PPA2: variants seen among roughly 807,000 people sequenced by gnomAD.
PPA2 encodes the protein inorganic pyrophosphatase 2, also known as inorganic pyrophosphatase 2, mitochondrial.
A neutral mutation model predicts 49.5 loss-of-function variants in PPA2; 48 were observed. The ratio of observed to expected loss-of-function variants is 0.97; its 90% CI spans 0.77 to 1.23. The LOEUF is 1.23. Ranked by LOEUF, PPA2 falls within the 50% of genes most tolerant of loss-of-function variation. PPA2 has a pLI of 0.00. For synonymous variants in PPA2, 131 were observed against 139.9 expected (o/e 0.94, Z 0.45); for missense variants, 429 against 410.1 (o/e 1.05, Z -0.40).
At chr4:105,453,702 C>T in intron 2 of PPA2, 60 bp from the exon 3 acceptor site, 4 of 1,260,828 alleles carry the variant, frequency 3.2e-6, no homozygotes, top group Non-Finnish European at 4.5e-6. Flanking sequence ...AGTGGCACTG[C>T]ATAGCAATAA....
At chr4:105,449,534 T>A (rs993705922) in intron 3 of PPA2, 131 bp from the exon 4 acceptor site, 1 of 518,918 alleles carries the variant, frequency 1.9e-6, no homozygotes, top group Admixed American at 3.8e-5. Context: ...ATCATACATC[T>A]ACCTATGCCT....
chr4:105,396,365 G>T (rs543562397), intron 8 of PPA2, 31 bp from the exon 9 acceptor site: 3 of 1,428,244 alleles, frequency 2.1e-6, no homozygotes, highest in Admixed American at 2.1e-5. Flanking sequence ...AAAAAAAGAC[G>T]TATTTAATAT....
chr4:105,434,026 C>T (rs554333849), intron 6 of PPA2, among the ~76,000 whole-genome samples: 1 of 152,194 alleles, frequency 6.6e-6, no homozygotes, highest in East Asian at 1.9e-4. Flanking sequence ...CTCAGTCTTA[C>T]CATGTTGCCC....
In PPA2 at chr4:105,416,913, AAGTG is replaced by A. The variant is rs1723039916; in HGVS notation, c.655+7279_655+7282del. Reference sequence around the variant, plus strand: ...AAAATAATGGAATTAACACATGTCAAAGTGAGTATTACCAAACAAGGTAATTCTA... The same window carrying A: ...AAAATAATGGAATTAACACATGTCAAAGTATTACCAAACAAGGTAATTCTA... On this transcript the variant is annotated intron_variant, in intron 7 of 11. Transcript: ENST00000341695. 2.0e-5 allele frequency among the ~76,000 whole-genome samples: 3 copies of A among 152,346 alleles called. No homozygotes were observed. The South Asian group carries it at 6.2e-4, about 32-fold the overall frequency.
At chr4:105,382,601 A>G (rs1475157246) in intron 10 of PPA2, among the ~76,000 whole-genome samples, 1 of 152,200 alleles carries the variant, frequency 6.6e-6, no homozygotes, top group African/African-American at 2.4e-5. Flanking sequence ...TCCCTGAAAT[A>G]AAGATCCAAC....
chr4:105,431,266 A>G (rs1374366651), intron 6 of PPA2, among the ~76,000 whole-genome samples: 1 of 151,988 alleles, frequency 6.6e-6, no homozygotes, highest in African/African-American at 2.4e-5. Context: ...ACAAAGCTAG[A>G]AAAAAATCTA....
intron 9 of PPA2, among the ~76,000 whole-genome samples, chr4:105,392,544 G>A (rs554030402): frequency 1.1e-3 from 173 of 152,050 alleles, no homozygotes; most frequent in Non-Finnish European, 2.1e-3. Flanking sequence ...ATGGTGGCAG[G>A]TGCCTGTAAT....
chr4:105,453,392 A>T (rs913756391), intron 3 of PPA2, among the ~76,000 whole-genome samples: 2 of 152,086 alleles, frequency 1.3e-5, no homozygotes, highest in Non-Finnish European at 2.9e-5. Context: ...TAAAATGGTA[A>T]ACCTTATGTT....
chr4:105,403,291 T>A (rs35570651), intron 7 of PPA2, among the ~76,000 whole-genome samples: 3 of 152,262 alleles, frequency 2.0e-5, no homozygotes, highest in African/African-American at 7.2e-5. Flanking sequence ...GTGTTCCTCC[T>A]GCCTTGGCCT....
rs57267137 is a variant in PPA2, at chr4:105,385,879, A to ATT, written c.939+686_939+687dup. Reference sequence around the variant, plus strand: ...AAAACATAATTTTATTTTATTTTCAATTTTTTTTTTTTTTTTTTGAGACAG... The same window carrying ATT: ...AAAACATAATTTTATTTTATTTTCAATTTTTTTTTTTTTTTTTTTTGAGACAG... On this transcript the variant is annotated intron_variant, in intron 10 of 11. Transcript: ENST00000341695. 7.8e-3 allele frequency among the ~76,000 whole-genome samples: 1,026 copies of ATT among 131,040 alleles called. 25 individuals are homozygous for ATT. The highest frequency in any genetic ancestry group is 0.024 in the African/African-American group (900 of 37,208). 86.0% of individuals were successfully genotyped at this position (131,040 alleles called of 152,430 possible). A position where few individuals can be genotyped will look rare whatever the true frequency, so the allele number is the denominator to read the frequency against.
intron 1 of PPA2, among the ~76,000 whole-genome samples, chr4:105,468,462 G>A (rs1723396669): frequency 6.6e-6 from 1 of 152,212 alleles, no homozygotes; most frequent in South Asian, 2.1e-4. Flanking sequence ...ACTGTAAAAA[G>A]TACTGCTGAT....
intron 7 of PPA2, 193 bp from the exon 8 acceptor site, chr4:105,399,357 A>G: frequency 2.0e-6 from 1 of 490,490 alleles, no homozygotes; most frequent in South Asian, 3.7e-5. Flanking sequence ...TCATATGTAT[A>G]ATACTATTCC....
intron 7 of PPA2, among the ~76,000 whole-genome samples, chr4:105,412,183 C>T (rs1341707052): frequency 1.3e-5 from 2 of 152,180 alleles, no homozygotes; most frequent in Non-Finnish European, 2.9e-5. Flanking sequence ...TGCTACCTGA[C>T]TTCAAACTAT....
At chr4:105,421,764 T>G (rs1723262342) in intron 7 of PPA2, among the ~76,000 whole-genome samples, 1 of 152,132 alleles carries the variant, frequency 6.6e-6, no homozygotes, top group Non-Finnish European at 1.5e-5. Context: ...CCAAACTTGC[T>G]GGGCATGGTG....
intron 8 of PPA2, chr4:105,398,563 T>G (rs1734235409): frequency 1.3e-5 from 2 of 152,542 alleles, no homozygotes; most frequent in Admixed American, 1.3e-4. Context: ...AGATACTTTG[T>G]GGTAACTCAG....
chr4:105,416,906 CAT>C (rs747338065), intron 7 of PPA2, among the ~76,000 whole-genome samples: 8 of 152,236 alleles, frequency 5.3e-5, no homozygotes, highest in South Asian at 4.1e-4. Context: ...GGAATTAACA[CAT>C]GTCAAAGTGA....
chr4:105,396,829 G>A (rs958700217), intron 8 of PPA2, among the ~76,000 whole-genome samples: 1 of 152,188 alleles, frequency 6.6e-6, no homozygotes, highest in African/African-American at 2.4e-5. Context: ...GATGACATAT[G>A]TAAAGTGCTT....
At chr4:105,413,345 G>A (rs1722850617) in intron 7 of PPA2, among the ~76,000 whole-genome samples, 1 of 152,090 alleles carries the variant, frequency 6.6e-6, no homozygotes, top group African/African-American at 2.4e-5. Context: ...GGGAGGGATA[G>A]TATTAGGAGA....
chr4:105,419,728 A>T (rs1027923897), intron 7 of PPA2, among the ~76,000 whole-genome samples: 4 of 152,012 alleles, frequency 2.6e-5, no homozygotes, highest in Non-Finnish European at 5.9e-5. Context: ...GGATCAAAAA[A>T]GTTATTTCAT....
Sources: gnomAD v4.1 joint callset for allele counts (sites outside exome capture counted in the v4.1 genomes callset) on GRCh38, gnomAD v4.1.1 for gene constraint, MANE v1.5 for transcripts, NCBI Gene and HGNC (gene_info 2026-07-23, HGNC 2026-07-21) for gene names.